JCAD: variants seen among roughly 807,000 people sequenced by gnomAD.
JCAD encodes the protein junctional cadherin 5-associated protein.
JCAD carries 40 observed loss-of-function variants against 98.0 expected under a neutral mutation model. The ratio of observed to expected loss-of-function variants is 0.41; its 90% CI spans 0.32 to 0.53. The LOEUF (loss-of-function observed/expected upper bound fraction) is 0.53, where lower values mean the gene tolerates loss of function less well. JCAD is among the 20% of genes least tolerant of loss of function. The pLI is 0.31. For missense variants in JCAD, 1,705 were observed against 1,738.1 expected (o/e 0.98, Z 0.34); for synonymous variants, 691 against 682.3 (o/e 1.01, Z -0.20).
intron 1 of JCAD, among the ~76,000 whole-genome samples, chr10:30,076,896 G>C (rs1346140488): frequency 6.6e-6 from 1 of 152,048 alleles, no homozygotes; most frequent in Non-Finnish European, 1.5e-5. Context: ...GAATCGCTCA[G>C]GCCCACGTTT....
Position 30,029,299 on chromosome 10 carries a change from T to C in JCAD, c.849A>G (p.Pro283=). 1 of 1,614,028 alleles carries C rather than the reference T, an allele frequency of 6.2e-7. No individual in the cohort carries two copies. The part of the protein sequence containing the change: ...RNSEKSGCSA[P]FPRPKFGRPL... The stretch of plus-strand genomic sequence containing the variant: ...GCCTCCCAAACTTAGGCCGGGGAAA[T>C]GGGGCTGAGCAGCCACTCTTCTCAG... The change falls in exon 3 of 4, where the codon CCA becomes CCG. Residue 283 remains proline (P), a synonymous_variant. Transcript: ENST00000375377.
rs1838719640 is a variant in JCAD at position 30,112,466 on chromosome 10, C to G, written n.128+2901G>C. Among the ~76,000 whole-genome samples, 4 of 152,074 alleles carry G rather than the reference C, an allele frequency of 2.6e-5. No individual in the cohort carries two copies. The South Asian group carries it at 8.3e-4, about 31-fold the overall frequency. ...CCACTGCACTCCAGCTTCAGCAACACAGTGAGACCCTGTCTCTTTAGAAAA... is the reference window on the plus strand; with the variant it reads ...CCACTGCACTCCAGCTTCAGCAACAGAGTGAGACCCTGTCTCTTTAGAAAA... On this transcript the variant is annotated intron_variant and non_coding_transcript_variant, in intron 1 of 2. Coordinates refer to the JCAD transcript ENST00000465712.
intron 1 of JCAD, among the ~76,000 whole-genome samples, chr10:30,052,550 G>A (rs779016397): frequency 5.3e-5 from 8 of 152,300 alleles, no homozygotes; most frequent in Non-Finnish European, 8.8e-5. Flanking sequence ...CCACCCAAGA[G>A]AGTAGGGATA....
At chr10:30,034,449 G>C (rs111916818) in intron 2 of JCAD, among the ~76,000 whole-genome samples, 1 of 152,080 alleles carries the variant, frequency 6.6e-6, no homozygotes, top group Admixed American at 6.5e-5. Context: ...TCTTAACACC[G>C]GGCACGGTAG....
At chr10:30,048,129 T>C (rs759059496) in intron 1 of JCAD, among the ~76,000 whole-genome samples, 2 of 152,162 alleles carry the variant, frequency 1.3e-5, no homozygotes, top group Non-Finnish European at 2.9e-5. Flanking sequence ...CTGCCTCTGG[T>C]AGAAGAGCAT....
At position 30,017,223 on chromosome 10, in the gene JCAD, T is replaced by C. The variant is rs1836552612; in HGVS notation, c.*660A>G. ...ATGGCGTGTTTGCAAATGATCAAAA[T>C]ATTTCACTGCCAGATAAATAATACT... On this transcript the variant is annotated 3_prime_UTR_variant, in exon 4 of 4. Coordinates refer to ENST00000375377, the MANE Select transcript of JCAD (RefSeq NM_020848.4). 1 of 152,250 alleles carries C rather than the reference T, an allele frequency of 6.6e-6. No individual in the cohort carries two copies. Among genetic ancestry groups the C allele is most frequent in the Non-Finnish European group, 1.5e-5 (1 of 68,068 alleles). The allele number at this position is 152,250 out of a possible 1,614,324, so 9.4% of individuals were successfully genotyped here. A position where few individuals can be genotyped will look rare whatever the true frequency, so the allele number is the denominator to read the frequency against.
intron 1 of JCAD, among the ~76,000 whole-genome samples, chr10:30,097,298 C>T (rs538255793): frequency 4.6e-5 from 7 of 152,328 alleles, no homozygotes; most frequent in Middle Eastern, 3.4e-3. Context: ...CTGGTGCTTA[C>T]TCTAAGCCCC....
chr10:30,083,664 A>G (rs2132686020), intron 1 of JCAD, among the ~76,000 whole-genome samples: 1 of 152,358 alleles, frequency 6.6e-6, no homozygotes, highest in East Asian at 1.9e-4. Flanking sequence ...TGGAAATGAA[A>G]TGAAACTTCT....
rs1307389445 is a variant in JCAD, at chr10:30,015,702, G to A, written c.*2181C>T. ...AAATTAAGTTATTTTGATTCAAAGA[G>A]GTATTTAGATGGTATCAACAAAATT... On this transcript the variant is annotated 3_prime_UTR_variant, in exon 4 of 4. Coordinates refer to ENST00000375377, the MANE Select transcript of JCAD (RefSeq NM_020848.4). 6.6e-6 allele frequency: 1 copy of A among 152,098 alleles called. No homozygotes were observed. Among genetic ancestry groups the A allele is most frequent in the Non-Finnish European group, 1.5e-5 (1 of 68,012 alleles). 9.4% of individuals were successfully genotyped at this position (152,098 alleles called of 1,614,324 possible).
rs111914006 is a variant in JCAD, at chr10:30,077,363, G to T, written n.129-7542C>A. On this transcript the variant is annotated intron_variant and non_coding_transcript_variant, in intron 1 of 2. Coordinates refer to the JCAD transcript ENST00000465712. ...ACAATCTCAGCTCACTGCAGCCTCTGCCTCCTGGGTTCAAGTGATTCTCCT... is the reference window on the plus strand; with the variant it reads ...ACAATCTCAGCTCACTGCAGCCTCTTCCTCCTGGGTTCAAGTGATTCTCCT... 4.9e-3 allele frequency among the ~76,000 whole-genome samples: 749 copies of T among 152,174 alleles called. 8 individuals are homozygous for T. Among genetic ancestry groups the T allele is most frequent in the African/African-American group, 0.017 (724 of 41,532 alleles).
At chr10:30,109,750 G>A (rs990402823) in intron 1 of JCAD, among the ~76,000 whole-genome samples, 1 of 152,118 alleles carries the variant, frequency 6.6e-6, no homozygotes, top group Non-Finnish European at 1.5e-5. Context: ...GGCCCCCGAT[G>A]TATGGACTCC....
At position 30,028,363 on chromosome 10, in the gene JCAD, A is replaced by G. The variant is rs777362170; in HGVS notation, c.1785T>C (p.Asp595=). 1.3e-5 allele frequency: 21 copies of G among 1,614,086 alleles called. No individual in the cohort carries two copies. Among genetic ancestry groups the G allele is most frequent in the Admixed American group, 1.7e-5 (1 of 60,000 alleles). Residue 595 remains aspartate, a synonymous_variant, in exon 3 of 4, where the codon GAT becomes GAC. Transcript: ENST00000375377. Reference sequence around the variant, plus strand: ...TTAAGTCATTGTTGTCCATATCTCTATCTGGCAGATGTGATTCTGATTTCA... The same window carrying G: ...TTAAGTCATTGTTGTCCATATCTCTGTCTGGCAGATGTGATTCTGATTTCA... ...IPVKSESHLP[D]RDMDNNDLKP... is the part of the protein sequence containing the mutation.
chr10:30,051,533 T>G (rs1837471947), intron 1 of JCAD, among the ~76,000 whole-genome samples: 1 of 151,676 alleles, frequency 6.6e-6, no homozygotes, highest in African/African-American at 2.4e-5. Context: ...CTATAATAAG[T>G]GGGAGATGAG....
chr10:30,073,125 C>T (rs150772529), intron 1 of JCAD, among the ~76,000 whole-genome samples: 186 of 152,282 alleles, frequency 1.2e-3, no homozygotes, highest in African/African-American at 4.3e-3. Context: ...AAGTGCTTCC[C>T]AATTTCCCTG....
At chr10:30,040,807 C>CT (rs1479101146) in intron 2 of JCAD, among the ~76,000 whole-genome samples, 2 of 152,184 alleles carry the variant, frequency 1.3e-5, no homozygotes, top group African/African-American at 4.8e-5. Context: ...GCACAGCCAT[C>CT]TTTGAGGCAA....
intron 1 of JCAD, among the ~76,000 whole-genome samples, chr10:30,092,345 C>T (rs983991617): frequency 6.6e-6 from 1 of 151,346 alleles, no homozygotes; most frequent in African/African-American, 2.4e-5. Flanking sequence ...CAAATATTCT[C>T]ATGTTGGTGT....
intron 1 of JCAD, among the ~76,000 whole-genome samples, chr10:30,089,386 C>A (rs554238579): frequency 6.6e-6 from 1 of 152,274 alleles, no homozygotes; most frequent in South Asian, 2.1e-4. Flanking sequence ...TTGAATAACA[C>A]CTCTTCTCGC....
At chr10:30,086,061 C>T (rs1264674492) in intron 1 of JCAD, among the ~76,000 whole-genome samples, 1 of 151,974 alleles carries the variant, frequency 6.6e-6, no homozygotes, top group Admixed American at 6.6e-5. Flanking sequence ...AGACTTTTGT[C>T]AGCATTAAAC....
chr10:30,028,564 A>G lies in JCAD; in HGVS notation c.1584T>C (p.Asp528=). 1 of 1,614,182 alleles carries G rather than the reference A, an allele frequency of 6.2e-7. No homozygotes were observed. The highest frequency in any genetic ancestry group is 2.2e-5 in the East Asian group (1 of 44,864). ...TGTGCCCGTGCTGGCTGCCTCTCACATCAGGCCACTGTCCCCTTGCCACAC... is the reference window on the plus strand; with the variant it reads ...TGTGCCCGTGCTGGCTGCCTCTCACGTCAGGCCACTGTCCCCTTGCCACAC... The part of the protein sequence containing the change: ...DRCVARGQWP[D]VRGSQHGHTG... The change falls in exon 3 of 4, where the codon GAT becomes GAC. Residue 528 remains aspartate (D), a synonymous_variant. Transcript: ENST00000375377.
Sources: gnomAD v4.1 joint callset for allele counts (sites outside exome capture counted in the v4.1 genomes callset) on GRCh38, gnomAD v4.1.1 for gene constraint, MANE v1.5 for transcripts, NCBI Gene and HGNC (gene_info 2026-07-23, HGNC 2026-07-21) for gene names.